SULT1A2: variants seen among roughly 807,000 people sequenced by gnomAD.
SULT1A2 encodes sulfotransferase family 1A member 2.
Under a neutral mutation model 36.0 loss-of-function variants are expected in SULT1A2, and 33 were observed. The ratio of observed to expected loss-of-function variants is 0.92; its 90% CI spans 0.69 to 1.22. The LOEUF is 1.22. SULT1A2 is among the 50% of genes most tolerant of loss of function. The probability of loss-of-function intolerance (pLI) is 0.00; values close to 1 mark genes in which losing one functional copy is unlikely to be tolerated. For missense variants in SULT1A2, 367 were observed against 383.2 expected, an observed-to-expected ratio of 0.96 and a Z score of 0.35; for synonymous variants, 138 against 144.5, an observed-to-expected ratio of 0.96 and a Z score of 0.32.
At chr16:28,593,789 T>G (rs2047026778) in intron 4 of SULT1A2, among the ~76,000 whole-genome samples, 1 of 152,134 alleles carries the variant, frequency 6.6e-6, no homozygotes, top group Non-Finnish European at 1.5e-5. Context: ...ATAATCTGCA[T>G]CAATGCGTCA....
intron 4 of SULT1A2, among the ~76,000 whole-genome samples, chr16:28,594,111 G>A (rs545923633): frequency 1.3e-5 from 2 of 149,250 alleles, no homozygotes; most frequent in African/African-American, 4.9e-5. Context: ...TTTTTTTGGG[G>A]GGGGGGACTC....
At chr16:28,596,297 C>T in intron 1 of SULT1A2, 2 of 1,183,666 alleles carry the variant, frequency 1.7e-6, no homozygotes, top group South Asian at 1.9e-5. Flanking sequence ...GTGCTGTCTT[C>T]CTGCCAGCCA....
At chr16:28,592,674 T>A (rs1165916841) in intron 6 of SULT1A2, among the ~76,000 whole-genome samples, 1 of 152,054 alleles carries the variant, frequency 6.6e-6, no homozygotes, top group Admixed American at 6.5e-5. Context: ...GGGATGGTCT[T>A]CTTCCGTGCC....
rs4987224 is a variant in SULT1A2, at chr16:28,592,411, C to G, written c.627G>C (p.Glu209Asp). 6.2e-7 allele frequency: 1 copy of G among 1,614,064 alleles called. No individual in the cohort carries two copies. Among genetic ancestry groups the G allele is most frequent in the African/African-American group, 1.3e-5 (1 of 74,944 alleles). The change falls in exon 7 of 8, where the codon GAG (glutamate) becomes GAC (aspartate). Residue 209 changes from glutamate (E) to aspartate (D), a missense_variant. Physicochemically the swap from Glu to Asp is conservative, Grantham distance 45. Transcript: ENST00000335715. ...CCTCTGGCAGGGAGCGCCCCACAAA[C>G]TCCAGGATCTTTTGAATCTCCCTTT... ...NPKREIQKIL[E>D]FVGRSLPEET...
Position 28,592,079 on chromosome 16 carries a change from G to C in SULT1A2, c.837C>G (p.Asp279Glu), listed in dbSNP as rs762427733. 6.2e-7 allele frequency: 1 copy of C among 1,612,080 alleles called. No homozygotes were observed. Among genetic ancestry groups the C allele is most frequent in the South Asian group, 1.1e-5 (1 of 90,988 alleles). Residue 279 changes from aspartate to glutamate, a missense_variant, in exon 8 of 8, where the codon GAC becomes GAG. Transcript: ENST00000335715. ...TVAQNERFDA[D>E]YAKKMAGCSL... ...TGCAGCCTGCCATCTTCTTCGCATA[G>C]TCCGCATCGAAGCGCTCATTCTGCG...
In SULT1A2 at chr16:28,593,521, G is replaced by A; in HGVS notation, c.420C>T (p.Tyr140=). ...ACACTTTGGCCATGTGGTAGAAGTG[G>A]TAGTAGGAAACCGCCACATCCTTTG... ...RNAKDVAVSY[Y]HFYHMAKVYP... The change falls in exon 5 of 8, where the codon TAC becomes TAT. Residue 140 remains tyrosine, a synonymous_variant. Transcript: ENST00000335715. 1.2e-6 allele frequency: 2 copies of A among 1,614,184 alleles called. No individual in the cohort carries two copies. The highest frequency in any genetic ancestry group is 1.7e-6 in the Non-Finnish European group (2 of 1,180,026).
At chr16:28,592,176 C>T (rs763628227) in intron 7 of SULT1A2, 36 bp from the exon 8 acceptor site, 5 of 1,612,894 alleles carry the variant, frequency 3.1e-6, no homozygotes, top group Non-Finnish European at 8.5e-7. Context: ...GCTGGAGTCT[C>T]ATCCCAGGGG....
rs1450092252 is a variant in SULT1A2 at position 28,593,242 on chromosome 16, G to T, written c.594+10C>A. ...TGTCACGTGGAGGGAAGCATCAAAGGCGGTCTCACCTCCTTCATGTCTTCA... is the reference window on the plus strand; with the variant it reads ...TGTCACGTGGAGGGAAGCATCAAAGTCGGTCTCACCTCCTTCATGTCTTCA... On this transcript the variant is annotated intron_variant, in intron 6 of 7. Transcript: ENST00000335715. The T allele has an allele frequency of 1.2e-6, 2 of 1,612,954 alleles. No homozygotes were observed. The highest frequency in any genetic ancestry group is 1.7e-6 in the Non-Finnish European group (2 of 1,179,936).
intron 6 of SULT1A2, 132 bp from the exon 7 acceptor site, chr16:28,592,575 C>T (rs879769884): frequency 6.6e-6 from 10 of 1,520,376 alleles, no homozygotes; most frequent in Non-Finnish European, 8.0e-6. Flanking sequence ...CTCCTCGACC[C>T]CTGGGACCCC....
chr16:28,594,490 T>C (rs1485184615), intron 4 of SULT1A2, among the ~76,000 whole-genome samples: 1 of 152,192 alleles, frequency 6.6e-6, no homozygotes, highest in Non-Finnish European at 1.5e-5. Flanking sequence ...TCTCGTTGTG[T>C]CTCCCAGGCT....
intron 5 of SULT1A2, 25 bp from the exon 6 acceptor site, chr16:28,593,371 G>T (rs368193261): frequency 6.2e-7 from 1 of 1,614,130 alleles, no homozygotes. Context: ...AGGGAGTGCC[G>T]ACACAGGGTT....
In SULT1A2 at chr16:28,591,981, C is replaced by G; in HGVS notation, c.*47G>C. 6.2e-7 allele frequency: 1 copy of G among 1,611,840 alleles called. No individual in the cohort carries two copies. The highest frequency in any genetic ancestry group is 8.5e-7 in the Non-Finnish European group (1 of 1,179,804). On this transcript the variant is annotated 3_prime_UTR_variant, in exon 8 of 8. Coordinates refer to ENST00000335715, the MANE Select transcript of SULT1A2 (RefSeq NM_001054.4). Reference sequence around the variant, plus strand: ...ATACTTTATTCTGGAGCCTCTTGGTCAGGCTTGATTCGCACACTCCCTCTG... The same window carrying G: ...ATACTTTATTCTGGAGCCTCTTGGTGAGGCTTGATTCGCACACTCCCTCTG...
rs1033591115 is a variant in SULT1A2, at chr16:28,594,770, C to CTTTTTTTTTT, written c.372+587_372+596dup. 1.3e-3 allele frequency among the ~76,000 whole-genome samples: 69 copies of CTTTTTTTTTT among 53,840 alleles called. 6 individuals are homozygous for CTTTTTTTTTT. The highest frequency in any genetic ancestry group is 4.5e-3 in the African/African-American group (65 of 14,362). The allele number at this position is 53,840 out of a possible 152,430, so 35.3% of individuals were successfully genotyped here. A position where few individuals can be genotyped will look rare whatever the true frequency, so the allele number is the denominator to read the frequency against. On this transcript the variant is annotated intron_variant, in intron 4 of 7. Coordinates refer to ENST00000335715, the MANE Select transcript of SULT1A2 (RefSeq NM_001054.4). ...AGGCCCAGCCCCCTGCCACCTGCCG[C>CTTTTTTTTTT]TTTTTTTTTTTTTTTTTTTTTTTTT...
intron 4 of SULT1A2, among the ~76,000 whole-genome samples, chr16:28,594,723 T>G (rs2047038061): frequency 6.8e-6 from 1 of 147,876 alleles, no homozygotes; most frequent in African/African-American, 2.5e-5. Flanking sequence ...AAAGTGCTGG[T>G]ATTACAGGCG....
At chr16:28,596,154 T>C (rs1278377539) in intron 1 of SULT1A2, 3 of 1,344,494 alleles carry the variant, frequency 2.2e-6, no homozygotes, top group South Asian at 1.5e-5. Context: ...CCTGCGGAGC[T>C]GTTCAAAATC....
rs138147609 is a variant in SULT1A2, at chr16:28,592,389, C to A, written c.649G>T (p.Glu217Ter). 604 of 1,614,116 alleles carry A rather than the reference C, an allele frequency of 3.7e-4. 4 individuals carry two copies. In the East Asian group the frequency reaches 0.012, roughly 32 times the overall value. ...TCAACCATGAGGTCCACAGTCTCCTCTGGCAGGGAGCGCCCCACAAACTCC... is the reference window on the plus strand; with the variant it reads ...TCAACCATGAGGTCCACAGTCTCCTATGGCAGGGAGCGCCCCACAAACTCC... ...ILEFVGRSLP[E>*]ETVDLMVEHT... is the part of the protein sequence containing the mutation. The change falls in exon 7 of 8, where the codon GAG (glutamate) becomes TAG (stop). Residue 217 changes from glutamate to a stop codon, truncating the protein, a stop_gained. Coordinates refer to ENST00000335715, the MANE Select transcript of SULT1A2 (RefSeq NM_001054.4). LOFTEE classifies it high-confidence loss of function.
rs571123352 is a variant in SULT1A2 at position 28,592,487 on chromosome 16, T to C, written c.595-44A>G. ...CTCAGTGGAGGCTTGGATTGCTGAT[T>C]CAGGAAAATAAAAGGGGTCCACTTC... On this transcript the variant is annotated intron_variant, in intron 6 of 7. Coordinates refer to ENST00000335715, the MANE Select transcript of SULT1A2 (RefSeq NM_001054.4). 15 of 1,613,900 alleles carry C rather than the reference T, an allele frequency of 9.3e-6. No individual in the cohort carries two copies. The South Asian group carries it at 1.3e-4, about 14-fold the overall frequency.
In SULT1A2 at chr16:28,593,525, T is replaced by C; in HGVS notation, c.416A>G (p.Tyr139Cys). ...TTTGGCCATGTGGTAGAAGTGGTAG[T>C]AGGAAACCGCCACATCCTTTGCGTT... is the stretch of plus-strand genomic sequence containing the variant. ...ARNAKDVAVSYYHFYHMAKVY... is the reference protein window; with the variant it reads ...ARNAKDVAVSCYHFYHMAKVY... Residue 139 changes from tyrosine to cysteine, a missense_variant, in exon 5 of 8, where the codon TAC becomes TGC. Physicochemically the swap from Tyr to Cys is radical, Grantham distance 194. Transcript: ENST00000335715. 6.2e-7 allele frequency: 1 copy of C among 1,614,142 alleles called. No homozygotes were observed. The highest frequency in any genetic ancestry group is 1.3e-5 in the African/African-American group (1 of 75,024).
rs377000479 is a variant in SULT1A2, at chr16:28,597,031, C to T, written c.-39G>A. 4.7e-5 allele frequency: 60 copies of T among 1,283,168 alleles called. No individual in the cohort carries two copies. The African/African-American group carries it at 4.9e-4, about 10-fold the overall frequency. 79.5% of individuals were successfully genotyped at this position (1,283,168 alleles called of 1,614,324 possible). A position where few individuals can be genotyped will look rare whatever the true frequency, so the allele number is the denominator to read the frequency against. Reference sequence around the variant, plus strand: ...TGGGAACCTGGCCTTGTGCCCTCCTCGCCCGCAGTGGCTGAGTGTGGGTGT... The same window carrying T: ...TGGGAACCTGGCCTTGTGCCCTCCTTGCCCGCAGTGGCTGAGTGTGGGTGT... On this transcript the variant is annotated 5_prime_UTR_variant, in exon 1 of 8. Coordinates refer to ENST00000335715, the MANE Select transcript of SULT1A2 (RefSeq NM_001054.4).
Sources: allele counts gnomAD v4.1 joint callset (sites outside exome capture counted in the v4.1 genomes callset), GRCh38; gene constraint gnomAD v4.1.1; transcripts MANE v1.5; gene names NCBI Gene and HGNC (gene_info 2026-07-23, HGNC 2026-07-21).